Variants in DKK3 observed in about 807,000 individuals in gnomAD.
The protein encoded by DKK3 is dickkopf Wnt signaling pathway inhibitor 3, also known as dickkopf-related protein 3.
DKK3 carries 22 observed loss-of-function variants against 33.2 expected under a neutral mutation model. The observed-to-expected ratio is 0.66, with a 90% CI of 0.47 to 0.95. The LOEUF (loss-of-function observed/expected upper bound fraction) is 0.95, where lower values mean the gene tolerates loss of function less well. Among genes scored for constraint, DKK3 ranks in the 40% least tolerant of loss-of-function variants. DKK3 has a pLI of 0.00. For missense variants in DKK3, 398 were observed against 458.4 expected (o/e 0.87, Z 1.20); for synonymous variants, 194 against 188.8 (o/e 1.03, Z -0.23).
upstream of DKK3, chr11:12,009,473 C>G: frequency 2.2e-6 from 2 of 918,650 alleles, no homozygotes; most frequent in South Asian, 5.0e-5. Context: ...ACGCCCCACG[C>G]CCCACGCCCT....
chr11:11,966,624 G>T (rs1847602017), intron 5 of DKK3, among the ~76,000 whole-genome samples: 1 of 152,160 alleles, frequency 6.6e-6, no homozygotes, highest in Non-Finnish European at 1.5e-5. Flanking sequence ...CGGAAGATGG[G>T]AGTGGAAGCG....
chr11:11,964,547 G>C lies in DKK3; in HGVS notation c.970C>G (p.Leu324Val), dbSNP rs760935617. The change falls in exon 7 of 7, where the codon CTG becomes GTG. Residue 324 changes from leucine (L) to valine (V), a missense_variant. Physicochemically the swap from Leu to Val is conservative, Grantham distance 32. Coordinates refer to ENST00000683431, the MANE Select transcript of DKK3 (RefSeq NM_001018057.2). The stretch of plus-strand genomic sequence containing the variant: ...ATCTCTTCAGTCAGGCTCCTCTCCA[G>C]GTCCTCCAGCTCCTGGCGCACCTCC... ...MEEVRQELED[L>V]ERSLTEEMAL... 1.2e-6 allele frequency: 2 copies of C among 1,614,102 alleles called. No homozygotes were observed. The highest frequency in any genetic ancestry group is 2.2e-5 in the South Asian group (2 of 91,092).
chr11:11,973,587 G>A (rs1388142699), intron 3 of DKK3, among the ~76,000 whole-genome samples: 1 of 152,194 alleles, frequency 6.6e-6, no homozygotes, highest in Non-Finnish European at 1.5e-5. Context: ...CCCAGAAGCT[G>A]GCCATGGGGA....
chr11:11,970,779 G>A (rs942235894), intron 3 of DKK3, among the ~76,000 whole-genome samples: 1 of 152,206 alleles, frequency 6.6e-6, no homozygotes, highest in South Asian at 2.1e-4. Flanking sequence ...GGGGGGCCAG[G>A]GGCCAAGGAG....
chr11:11,994,686 G>C (rs1215884529), intron 3 of DKK3: 1 of 152,240 alleles, frequency 6.6e-6, no homozygotes, highest in Admixed American at 6.5e-5. Flanking sequence ...AGAAAACAAA[G>C]CCAGCACCCC....
chr11:12,006,630 C>G (rs575096815), intron 1 of DKK3, among the ~76,000 whole-genome samples: 1 of 152,198 alleles, frequency 6.6e-6, no homozygotes, highest in Non-Finnish European at 1.5e-5. Context: ...GGGAGGAAAG[C>G]TGGGGTCTTG....
intron 2 of DKK3, among the ~76,000 whole-genome samples, chr11:11,999,435 C>A (rs1848375146): frequency 6.6e-6 from 1 of 152,184 alleles, no homozygotes; most frequent in Admixed American, 6.5e-5. Flanking sequence ...TGTTTGGTCA[C>A]CTGGCCAAGA....
intron 3 of DKK3, among the ~76,000 whole-genome samples, chr11:11,989,488 C>T (rs1297638067): frequency 2.0e-5 from 3 of 152,096 alleles, no homozygotes; most frequent in Non-Finnish European, 2.9e-5. Context: ...TCACCAGTCA[C>T]AAAAATACAA....
chr11:12,008,270 G>C lies in DKK3; in HGVS notation c.213+100C>G, dbSNP rs569717867. The C allele has an allele frequency of 1.8e-4, 253 of 1,433,642 alleles. 1 individual carries two copies. In the South Asian group the frequency reaches 3.2e-3, roughly 18 times the overall value. 88.8% of individuals were successfully genotyped at this position (1,433,642 alleles called of 1,614,324 possible). A position where few individuals can be genotyped will look rare whatever the true frequency, so the allele number is the denominator to read the frequency against. On this transcript the variant is annotated intron_variant, in intron 1 of 6. Transcript: ENST00000683431. This position sits in a 1 kb window ranked among gnomAD's most constrained non-coding sequence, Gnocchi z 4.6. The stretch of plus-strand genomic sequence containing the variant: ...GTCGGCCCTTCCCAGGCCCTGCGCG[G>C]GACCCGAGGTCCCTGGCCAGCGCTC...
Position 12,002,319 on chromosome 11 carries a change from A to C in DKK3, c.332T>G (p.Val111Gly). 6.2e-7 allele frequency: 1 copy of C among 1,613,932 alleles called. No individual in the cohort carries two copies. The highest frequency in any genetic ancestry group is 8.5e-7 in the Non-Finnish European group (1 of 1,179,886). Residue 111 changes from valine to glycine, a missense_variant, in exon 2 of 7, where the codon GTG (valine) becomes GGG (glycine). Coordinates refer to ENST00000683431, the MANE Select transcript of DKK3 (RefSeq NM_001018057.2). The stretch of plus-strand genomic sequence containing the variant: ...ACTTACCTTGTGAATTTCTCGGTGC[A>C]CATGGATGGTATTATTTCCAACCTT... ...DTKVGNNTIH[V>G]HREIHKITNN...
intron 3 of DKK3, among the ~76,000 whole-genome samples, chr11:11,996,608 G>A (rs923517598): frequency 2.0e-5 from 3 of 152,238 alleles, no homozygotes; most frequent in South Asian, 2.1e-4. Context: ...AGATGCCCCC[G>A]GTCTCCCTTC....
intron 2 of DKK3, among the ~76,000 whole-genome samples, chr11:11,999,669 A>G (rs572812698): frequency 1.3e-5 from 2 of 152,286 alleles, no homozygotes; most frequent in South Asian, 4.2e-4. Context: ...GAAAGAAAAG[A>G]AAAGATGCTG....
At chr11:11,977,147 G>A (rs1481606052) in intron 3 of DKK3, among the ~76,000 whole-genome samples, 2 of 152,180 alleles carry the variant, frequency 1.3e-5, no homozygotes, top group South Asian at 2.1e-4. Context: ...ACACTGCCCA[G>A]GAAAGAGGAA....
At chr11:11,993,274 C>G (rs1848223281) in intron 3 of DKK3, among the ~76,000 whole-genome samples, 1 of 152,102 alleles carries the variant, frequency 6.6e-6, no homozygotes, top group South Asian at 2.1e-4. Flanking sequence ...TAATATATGT[C>G]TTACCAGGAT....
Position 12,005,362 on chromosome 11 carries a change from G to A in DKK3, c.214-2925C>T, listed in dbSNP as rs138942527. Among the ~76,000 whole-genome samples, 452 of 152,302 alleles carry A rather than the reference G, an allele frequency of 3.0e-3. 1 individual carries two copies. The highest frequency in any genetic ancestry group is 9.7e-3 in the African/African-American group (405 of 41,554). On this transcript the variant is annotated intron_variant, in intron 1 of 6. Coordinates refer to ENST00000683431, the MANE Select transcript of DKK3 (RefSeq NM_001018057.2). The stretch of plus-strand genomic sequence containing the variant: ...AGTCTGAAGCAAAAGGAGCTGTTTC[G>A]TAGAGGAGGAATGTGAATGCTATTA...
At chr11:11,990,899 T>TA (rs1848173357) in intron 3 of DKK3, among the ~76,000 whole-genome samples, 1 of 152,234 alleles carries the variant, frequency 6.6e-6, no homozygotes, top group Non-Finnish European at 1.5e-5. Flanking sequence ...GTGAAGGGTC[T>TA]AAGATTCTAT....
intron 1 of DKK3, among the ~76,000 whole-genome samples, chr11:12,003,600 A>G (rs1848475456): frequency 6.6e-6 from 1 of 152,128 alleles, no homozygotes; most frequent in Admixed American, 6.5e-5. Flanking sequence ...TGGGACCCAA[A>G]GGGAGGCCAC....
upstream of DKK3, chr11:12,008,990 T>C (rs1329887103): frequency 2.0e-6 from 2 of 997,588 alleles, no homozygotes; most frequent in East Asian, 1.1e-4. This position sits in a 1 kb window ranked among gnomAD's most constrained non-coding sequence, Gnocchi z 4.6. Flanking sequence ...CTCGACCAGG[T>C]CAGAGTGCCC....
rs1848577502 is a variant in DKK3 at position 12,008,198 on chromosome 11, G to A, written c.213+172C>T. Among the ~76,000 whole-genome samples the A allele has an allele frequency of 6.6e-6, 1 of 152,166 alleles. No homozygotes were observed. The highest frequency in any genetic ancestry group is 2.4e-5 in the African/African-American group (1 of 41,452). Reference sequence around the variant, plus strand: ...TTTGGCAAGGAGGCAAAACGAGGCGGGAGTAGGGATCACCGTGCGCTGCCT... The same window carrying A: ...TTTGGCAAGGAGGCAAAACGAGGCGAGAGTAGGGATCACCGTGCGCTGCCT... On this transcript the variant is annotated intron_variant, in intron 1 of 6. Coordinates refer to ENST00000683431, the MANE Select transcript of DKK3 (RefSeq NM_001018057.2). This position sits in a 1 kb window ranked among gnomAD's most constrained non-coding sequence, Gnocchi z 4.6.
Sources: allele counts gnomAD v4.1 joint callset (sites outside exome capture counted in the v4.1 genomes callset), GRCh38; gene constraint gnomAD v4.1.1; non-coding constraint Gnocchi (gnomAD v3.1); transcripts MANE v1.5; gene names NCBI Gene and HGNC (gene_info 2026-07-23, HGNC 2026-07-21).